The following ENPP3 variants were observed in gnomAD, a reference collection of about 807,000 sequenced individuals.
The protein encoded by ENPP3 is ectonucleotide pyrophosphatase/phosphodiesterase family member 3.
A neutral mutation model predicts 117.8 loss-of-function variants in ENPP3; 104 were observed. That is an observed-to-expected ratio of 0.88 (90% CI 0.75 to 1.04). ENPP3 has a LOEUF of 1.04. Ranked by LOEUF, ENPP3 falls within the 50% of genes least tolerant of loss-of-function variation. The pLI, the probability that ENPP3 is intolerant of heterozygous loss-of-function variation, is 0.00. For missense variants in ENPP3, 1,026 were observed against 1,051.9 expected (o/e 0.98, Z 0.34); for synonymous variants, 380 against 349.9 (o/e 1.09, Z -0.96).
intron 17 of ENPP3, 83 bp downstream of exon 17, chr6:131,720,462 C>T (rs1779991159): frequency 1.5e-6 from 1 of 652,944 alleles, no homozygotes; most frequent in Non-Finnish European, 2.6e-6. Flanking sequence ...AAACTGAATC[C>T]CAGAGGCTGG....
chr6:131,736,368 A>G (rs575180413), intron 21 of ENPP3, among the ~76,000 whole-genome samples: 1 of 152,324 alleles, frequency 6.6e-6, no homozygotes, highest in South Asian at 2.1e-4. Flanking sequence ...ATGCCTCACA[A>G]TCATTAGGGA....
intron 11 of ENPP3, among the ~76,000 whole-genome samples, chr6:131,682,084 C>A (rs1779034190): frequency 6.6e-6 from 1 of 152,146 alleles, no homozygotes; most frequent in South Asian, 2.1e-4. Flanking sequence ...CCACCTGCCT[C>A]AGCCTCCCAA....
At chr6:131,665,229 G>C (rs1356016890) in intron 6 of ENPP3, among the ~76,000 whole-genome samples, 1 of 152,018 alleles carries the variant, frequency 6.6e-6, no homozygotes, top group South Asian at 2.1e-4. Context: ...TGTGATATCT[G>C]TGTAGCTTTT....
intron 18 of ENPP3, among the ~76,000 whole-genome samples, chr6:131,722,846 T>G (rs2114533288): frequency 6.6e-6 from 1 of 152,288 alleles, no homozygotes; most frequent in East Asian, 1.9e-4. Flanking sequence ...GGGGTGTTCC[T>G]TTGGGTAGCA....
At chr6:131,726,918 G>A (rs183442840) in intron 20 of ENPP3, among the ~76,000 whole-genome samples, 68 of 152,244 alleles carry the variant, frequency 4.5e-4, no homozygotes, top group Non-Finnish European at 1.3e-4. Flanking sequence ...AATAGGAACC[G>A]CAAGTCCATA....
chr6:131,727,878 T>G (rs943688149), intron 20 of ENPP3, among the ~76,000 whole-genome samples: 1 of 152,220 alleles, frequency 6.6e-6, no homozygotes, highest in African/African-American at 2.4e-5. Context: ...GTACCACCTC[T>G]TTTATGGAAA....
chr6:131,679,034 T>G (rs55844240), intron 11 of ENPP3, among the ~76,000 whole-genome samples: 2 of 91,260 alleles, frequency 2.2e-5, no homozygotes, highest in Non-Finnish European at 4.1e-5. Context: ...TCCTTCTTTC[T>G]TTCTTTCTTT....
At chr6:131,693,406 A>AATT in intron 14 of ENPP3, 91 bp from the exon 15 acceptor site, 1 of 1,166,110 alleles carries the variant, frequency 8.6e-7, no homozygotes, top group South Asian at 1.5e-5. Context: ...TTACTTTTAA[A>AATT]AGGTGCTTCA....
intron 20 of ENPP3, among the ~76,000 whole-genome samples, chr6:131,730,709 G>A (rs761859931): frequency 1.4e-4 from 22 of 152,136 alleles, no homozygotes; most frequent in South Asian, 6.2e-4. Context: ...GAGGTCAGGC[G>A]TTTGAGACCA....
intron 2 of ENPP3, among the ~76,000 whole-genome samples, chr6:131,645,784 CT>C (rs1778142141): frequency 6.6e-6 from 1 of 151,946 alleles, no homozygotes; most frequent in Non-Finnish European, 1.5e-5. Flanking sequence ...TAATAAATTT[CT>C]GATTAGTGAT....
chr6:131,683,117 C>A lies in ENPP3; in HGVS notation c.1075C>A (p.Arg359=). ...GATGTTGATGGAAGGCCTGAAGCAG[C>A]GGAATTTGCACAACTGTGTCAATAT... ...FGMLMEGLKQ[R]NLHNCVNIIL... is the part of the protein sequence containing the mutation. Residue 359 remains arginine (R), a synonymous_variant, in exon 12 of 25, where the codon CGG becomes AGG. Transcript: ENST00000357639. 2 of 1,612,102 alleles carry A rather than the reference C, an allele frequency of 1.2e-6. No homozygotes were observed. The highest frequency in any genetic ancestry group is 1.7e-6 in the Non-Finnish European group (2 of 1,178,354).
chr6:131,738,326 T>C (rs963072942), intron 23 of ENPP3, among the ~76,000 whole-genome samples, 163 bp downstream of exon 23: 6 of 152,142 alleles, frequency 3.9e-5, no homozygotes, highest in Non-Finnish European at 1.5e-5. Context: ...GGAAAGCTTA[T>C]ATTGCAAAAA....
intron 6 of ENPP3, among the ~76,000 whole-genome samples, 153 bp downstream of exon 6, chr6:131,658,573 G>A (rs550906614): frequency 2.0e-5 from 3 of 152,228 alleles, no homozygotes; most frequent in African/African-American, 4.8e-5. Context: ...ACTTTCATTC[G>A]GAAGTATATT....
chr6:131,692,731 C>G (rs1779306992), intron 14 of ENPP3, among the ~76,000 whole-genome samples: 1 of 141,668 alleles, frequency 7.1e-6, no homozygotes. Context: ...TATTATATGG[C>G]TATATTATAT....
Position 131,720,280 on chromosome 6 carries a change from A to G in ENPP3, c.1480-12A>G, listed in dbSNP as rs201341343. 52 of 1,508,362 alleles carry G rather than the reference A, an allele frequency of 3.4e-5. No homozygotes were observed. In the South Asian group the frequency reaches 5.7e-4, roughly 16 times the overall value. 93.4% of individuals were successfully genotyped at this position (1,508,362 alleles called of 1,614,324 possible). ...GACATCTAATAATAATAATCTGACT[A>G]TTATGACCTAGGCTATCTTTCTGGC... On this transcript the variant is annotated splice_polypyrimidine_tract_variant and intron_variant, in intron 16 of 24. Coordinates refer to ENST00000357639, the MANE Select transcript of ENPP3 (RefSeq NM_005021.5).
At chr6:131,715,626 C>T (rs1308031154) in intron 15 of ENPP3, among the ~76,000 whole-genome samples, 13 of 151,092 alleles carry the variant, frequency 8.6e-5, no homozygotes, top group Non-Finnish European at 1.2e-4. Context: ...TAAGGAGACC[C>T]TCTCCACTCC....
intron 6 of ENPP3, among the ~76,000 whole-genome samples, chr6:131,665,264 TC>T (rs1778593917): frequency 6.6e-6 from 1 of 152,150 alleles, no homozygotes; most frequent in African/African-American, 2.4e-5. Flanking sequence ...CTAGCCTTAT[TC>T]ATTTGAAAGC....
At chr6:131,664,233 T>G (rs1778568495) in intron 6 of ENPP3, among the ~76,000 whole-genome samples, 1 of 152,170 alleles carries the variant, frequency 6.6e-6, no homozygotes, top group Non-Finnish European at 1.5e-5. Context: ...GACAGTGATG[T>G]TGATGATCTT....
chr6:131,700,763 A>G (rs1231806619), intron 15 of ENPP3: 2 of 1,503,972 alleles, frequency 1.3e-6, no homozygotes, highest in African/African-American at 2.2e-5. Flanking sequence ...ATGAAACTAC[A>G]ATTGTGGACA....
Sources: gnomAD v4.1 joint callset for allele counts (sites outside exome capture counted in the v4.1 genomes callset) on GRCh38, gnomAD v4.1.1 for gene constraint, MANE v1.5 for transcripts, NCBI Gene and HGNC (gene_info 2026-07-23, HGNC 2026-07-21) for gene names.